DGKB: variants seen among roughly 807,000 people sequenced by gnomAD.
DGKB encodes the protein diacylglycerol kinase beta.
A neutral mutation model predicts 114.3 loss-of-function variants in DGKB; 67 were observed. The observed-to-expected ratio is 0.59, with a 90% CI of 0.48 to 0.72. The LOEUF (loss-of-function observed/expected upper bound fraction) is 0.72, where lower values mean the gene tolerates loss of function less well. Among genes scored for constraint, DGKB ranks in the 30% least tolerant of loss-of-function variants. The pLI is 0.00. For synonymous variants in DGKB, 398 were observed against 323.1 expected (o/e 1.23, Z -2.49); for missense variants, 907 against 975.2 (o/e 0.93, Z 0.93).
chr7:14,470,212 T>C (rs924935715), intron 21 of DGKB, among the ~76,000 whole-genome samples: 1 of 151,892 alleles, frequency 6.6e-6, no homozygotes, highest in Non-Finnish European at 1.5e-5. Context: ...AAAAGGTCCC[T>C]GCACAACACC....
intron 20 of DGKB, among the ~76,000 whole-genome samples, chr7:14,505,265 G>A (rs7778934): frequency 0.17 from 26,107 of 151,894 alleles, 3,152 homozygotes; most frequent in East Asian, 0.52. Context: ...GACTAGCCTG[G>A]CCAACACAGT....
intron 2 of DGKB, among the ~76,000 whole-genome samples, chr7:14,808,921 C>T (rs1843082508): frequency 6.6e-6 from 1 of 152,100 alleles, no homozygotes; most frequent in South Asian, 2.1e-4. Flanking sequence ...TAAATTCCTA[C>T]TAATTCCAGA....
At chr7:14,302,217 G>T (rs1803684061) in intron 23 of DGKB, among the ~76,000 whole-genome samples, 1 of 152,024 alleles carries the variant, frequency 6.6e-6, no homozygotes, top group Non-Finnish European at 1.5e-5. Flanking sequence ...GAAAAATCAA[G>T]AAAGTATTTA....
chr7:14,436,553 T>C (rs893773057), intron 21 of DGKB, among the ~76,000 whole-genome samples: 8 of 152,050 alleles, frequency 5.3e-5, no homozygotes, highest in African/African-American at 1.9e-4. Context: ...TTGTGACCAC[T>C]CTCTGGCCTC....
At position 14,468,200 on chromosome 7, in the gene DGKB, G is replaced by A. The variant is rs1218959450; in HGVS notation, c.1835+9961C>T. ...AGTCAATTCCAAATACAGATCTATC[G>A]GCTATCTATGAACATCAAAGGGGAA... On this transcript the variant is annotated intron_variant, in intron 21 of 25. Transcript: ENST00000402815. Among the ~76,000 whole-genome samples the A allele has an allele frequency of 5.3e-5, 8 of 151,846 alleles. No individual in the cohort carries two copies. In the East Asian group the frequency reaches 1.2e-3, roughly 22 times the overall value.
At chr7:14,226,257 C>A (rs1009684487) in intron 23 of DGKB, among the ~76,000 whole-genome samples, 4 of 151,832 alleles carry the variant, frequency 2.6e-5, no homozygotes, top group Non-Finnish European at 5.9e-5. Flanking sequence ...CCTAGTTACT[C>A]ATTTTTTTTC....
intron 20 of DGKB, among the ~76,000 whole-genome samples, chr7:14,502,695 T>A (rs770348544): frequency 2.0e-5 from 3 of 152,096 alleles, no homozygotes; most frequent in Non-Finnish European, 4.4e-5. Flanking sequence ...GAGGCCTGAT[T>A]TAGATTATAC....
At chr7:14,284,286 A>T (rs1172945611) in intron 23 of DGKB, among the ~76,000 whole-genome samples, 13 of 146,710 alleles carry the variant, frequency 8.9e-5, no homozygotes, top group Non-Finnish European at 1.9e-4. Flanking sequence ...GCCATCAGAG[A>T]AATGCAAATC....
intron 21 of DGKB, among the ~76,000 whole-genome samples, chr7:14,436,341 T>G (rs757182752): frequency 5.9e-5 from 9 of 152,164 alleles, no homozygotes; most frequent in Admixed American, 1.3e-4. Context: ...CAAATAGCAT[T>G]ATTAAATAAA....
intron 23 of DGKB, 48 bp from the exon 24 acceptor site, chr7:14,178,199 C>A: frequency 1.3e-6 from 2 of 1,587,442 alleles, no homozygotes; most frequent in African/African-American, 1.4e-5. Flanking sequence ...ATACATATGT[C>A]CACAATTTAA....
At chr7:14,799,360 C>T (rs536823819) in intron 2 of DGKB, among the ~76,000 whole-genome samples, 1 of 152,200 alleles carries the variant, frequency 6.6e-6, no homozygotes, top group Non-Finnish European at 1.5e-5. Context: ...TCTTGATCAC[C>T]TTTCCCTTCT....
In DGKB at chr7:14,759,729, C is replaced by A. The variant is rs116462019; in HGVS notation, c.71-1998G>T. ...TCTGCTATGAACATTCAAGTGTACACGTTTTTGTATAAACATATAATTCAA... is the reference window on the plus strand; with the variant it reads ...TCTGCTATGAACATTCAAGTGTACAAGTTTTTGTATAAACATATAATTCAA... On this transcript the variant is annotated intron_variant, in intron 2 of 25. Transcript: ENST00000402815. 2.0e-3 allele frequency among the ~76,000 whole-genome samples: 306 copies of A among 152,188 alleles called. 1 individual carries two copies. The highest frequency in any genetic ancestry group is 7.1e-3 in the African/African-American group (296 of 41,540).
At chr7:14,909,588 A>C (rs558675896) in intron 1 of DGKB, among the ~76,000 whole-genome samples, 1 of 152,342 alleles carries the variant, frequency 6.6e-6, no homozygotes, top group South Asian at 2.1e-4. Context: ...GGCTAGTATA[A>C]AAATTTAAAT....
chr7:14,882,907 C>G (rs1013342582), intron 1 of DGKB, among the ~76,000 whole-genome samples: 4 of 151,824 alleles, frequency 2.6e-5, no homozygotes, highest in Non-Finnish European at 5.9e-5. Flanking sequence ...GATATCTTTG[C>G]TATTTTAAAT....
intron 8 of DGKB, among the ~76,000 whole-genome samples, chr7:14,695,861 T>C (rs1823776438): frequency 6.6e-6 from 1 of 152,018 alleles, no homozygotes; most frequent in Admixed American, 6.5e-5. Context: ...ATGTGTACAT[T>C]TGTTTACAAT....
chr7:14,168,396 T>G (rs1784911694), intron 25 of DGKB, among the ~76,000 whole-genome samples: 1 of 152,112 alleles, frequency 6.6e-6, no homozygotes, highest in African/African-American at 2.4e-5. Context: ...AGTCAATATT[T>G]GAAGAAATAA....
At chr7:14,735,942 A>T in intron 5 of DGKB, 99 bp downstream of exon 5, 1 of 767,670 alleles carries the variant, frequency 1.3e-6, no homozygotes, top group Non-Finnish European at 1.9e-6. Context: ...GTAACAAAAC[A>T]ATTTTTATGC....
At chr7:14,934,820 G>A (rs1225559139) in intron 1 of DGKB, among the ~76,000 whole-genome samples, 1 of 152,126 alleles carries the variant, frequency 6.6e-6, no homozygotes, top group African/African-American at 2.4e-5. Flanking sequence ...ACTCCATGTG[G>A]TTATTGATCT....
In DGKB at chr7:14,578,977, G is replaced by A. The variant is rs1242683822; in HGVS notation, c.1609+1885C>T. Among the ~76,000 whole-genome samples the A allele has an allele frequency of 2.6e-5, 4 of 152,034 alleles. No homozygotes were observed. In the East Asian group the frequency reaches 7.7e-4, roughly 29 times the overall value. On this transcript the variant is annotated intron_variant, in intron 19 of 25. Transcript: ENST00000402815. ...CACTGCTGCTTCAGCAACCCCACCT[G>A]CATTCCTTCCTTCAGTCCTTGAAAC...
Sources: gnomAD v4.1 joint callset for allele counts (sites outside exome capture counted in the v4.1 genomes callset) on GRCh38, gnomAD v4.1.1 for gene constraint, MANE v1.5 for transcripts, NCBI Gene and HGNC (gene_info 2026-07-23, HGNC 2026-07-21) for gene names.